The following SIM2 variants were observed in gnomAD, a reference collection of about 807,000 sequenced individuals.
SIM2 encodes the protein single-minded homolog 2.
A neutral mutation model predicts 64.8 loss-of-function variants in SIM2; 28 were observed. That is an observed-to-expected ratio of 0.43 (90% CI 0.32 to 0.59). The LOEUF is 0.59. SIM2 is among the 20% of genes least tolerant of loss of function. The pLI is 0.07. For synonymous variants in SIM2, 408 were observed against 391.1 expected (o/e 1.04, Z -0.51); for missense variants, 847 against 871.4 (o/e 0.97, Z 0.35).
intron 1 of SIM2, among the ~76,000 whole-genome samples, chr21:36,702,595 C>T (rs1173901830): frequency 6.6e-6 from 1 of 152,070 alleles, no homozygotes; most frequent in African/African-American, 2.4e-5. Flanking sequence ...AACTGGAGTC[C>T]ATTTATGCAA....
At position 36,741,751 on chromosome 21, in the gene SIM2, C is replaced by A; in HGVS notation, c.885C>A (p.Tyr295Ter). 1 of 1,613,564 alleles carries A rather than the reference C, an allele frequency of 6.2e-7. No individual in the cohort carries two copies. The highest frequency in any genetic ancestry group is 8.5e-7 in the Non-Finnish European group (1 of 1,179,980). The change falls in exon 8 of 11, where the codon TAC becomes TAA. Residue 295 changes from tyrosine to a stop codon, truncating the protein, a stop_gained. Coordinates refer to ENST00000290399, the MANE Select transcript of SIM2 (RefSeq NM_005069.6). LOFTEE classifies it high-confidence loss of function. ...LVKGQVTTKY[Y>*]RLLSKRGGWV... is the part of the protein sequence containing the mutation. ...AGGGCCAGGTCACCACCAAGTACTA[C>A]CGGCTGCTGTCCAAGCGGGGCGGCT...
intron 7 of SIM2, among the ~76,000 whole-genome samples, chr21:36,735,005 G>T (rs7281117): frequency 3.3e-5 from 5 of 152,032 alleles, no homozygotes; most frequent in Non-Finnish European, 7.4e-5. Context: ...CAGGGGAGGA[G>T]TGAGCCAGAG....
intron 1 of SIM2, among the ~76,000 whole-genome samples, chr21:36,706,928 T>A (rs2123420174): frequency 6.6e-6 from 1 of 152,358 alleles, no homozygotes; most frequent in African/African-American, 2.4e-5. Flanking sequence ...TACAGAAAAT[T>A]GTCCTGTGTG....
chr21:36,748,575 T>TGTAA lies in SIM2; in HGVS notation c.*486_*489dup, dbSNP rs1360839729. 1 of 152,250 alleles carries TGTAA rather than the reference T, an allele frequency of 6.6e-6. No homozygotes were observed. The highest frequency in any genetic ancestry group is 1.5e-5 in the Non-Finnish European group (1 of 68,046). The allele number at this position is 152,250 out of a possible 1,614,324, so 9.4% of individuals were successfully genotyped here. A position where few individuals can be genotyped will look rare whatever the true frequency, so the allele number is the denominator to read the frequency against. On this transcript the variant is annotated 3_prime_UTR_variant, in exon 11 of 11. Coordinates refer to ENST00000290399, the MANE Select transcript of SIM2 (RefSeq NM_005069.6). ...CTTAGGTGAAGGCAGAAGTGATGAT[T>TGTAA]GTAAGTCCCATGAATACACAACTCC...
At chr21:36,719,325 G>A (rs144507403) in intron 3 of SIM2, among the ~76,000 whole-genome samples, 3 of 152,398 alleles carry the variant, frequency 2.0e-5, no homozygotes, top group East Asian at 3.9e-4. Flanking sequence ...CGGGCGCAGT[G>A]GCGCCCCTGC....
intron 6 of SIM2, among the ~76,000 whole-genome samples, chr21:36,730,423 A>G (rs2123472626): frequency 6.6e-6 from 1 of 152,348 alleles, no homozygotes; most frequent in Non-Finnish European, 1.5e-5. Context: ...TTTCTCGAAG[A>G]GAAAAATTCC....
chr21:36,719,966 A>C, intron 4 of SIM2, 37 bp downstream of exon 4: 2 of 1,350,968 alleles, frequency 1.5e-6, no homozygotes, highest in Non-Finnish European at 2.1e-6. Flanking sequence ...AACAGACTAA[A>C]AGCAAGGCGA....
At chr21:36,741,642 G>A (rs1052269800) in intron 7 of SIM2, 75 bp from the exon 8 acceptor site, 1 of 1,544,752 alleles carries the variant, frequency 6.5e-7, no homozygotes, top group Non-Finnish European at 8.8e-7. Flanking sequence ...TGGGACAGAG[G>A]TCACCGTTGG....
chr21:36,726,403 C>T lies in SIM2; in HGVS notation c.743+85C>T, dbSNP rs2088892190. 2.5e-6 allele frequency: 3 copies of T among 1,202,220 alleles called. No homozygotes were observed. The highest frequency in any genetic ancestry group is 4.1e-5 in the Admixed American group (2 of 48,692). The allele number at this position is 1,202,220 out of a possible 1,614,324, so 74.5% of individuals were successfully genotyped here. A position where few individuals can be genotyped will look rare whatever the true frequency, so the allele number is the denominator to read the frequency against. On this transcript the variant is annotated intron_variant, in intron 6 of 10. Transcript: ENST00000290399. This position sits in a 1 kb window ranked among gnomAD's most constrained non-coding sequence, Gnocchi z 4.5. ...GGGTCCCTGAAAGCTGCCATCTTGG[C>T]CAAATCATAACAAGGAATAAGTCAT...
intron 3 of SIM2, among the ~76,000 whole-genome samples, chr21:36,718,158 C>A (rs2123446925): frequency 6.6e-6 from 1 of 152,280 alleles, no homozygotes; most frequent in East Asian, 1.9e-4. Flanking sequence ...CTTAGCAGGC[C>A]AGAAGTGTAA....
rs1375492852 is a variant in SIM2, at chr21:36,699,990, A to T, written c.175+69A>T. The T allele has an allele frequency of 6.8e-7, 1 of 1,479,544 alleles. No homozygotes were observed. The highest frequency in any genetic ancestry group is 9.0e-7 in the Non-Finnish European group (1 of 1,107,540). 91.7% of individuals were successfully genotyped at this position (1,479,544 alleles called of 1,614,324 possible). On this transcript the variant is annotated intron_variant, in intron 1 of 10. Transcript: ENST00000290399. The surrounding 1 kb of genome is among the most constrained non-coding windows in gnomAD (Gnocchi z 5.6). ...GGCCCCGGCCCAGGCGGGAAGCGCAAGCCAGCCCGCCCAGAGGGGTTGCCG... is the reference window on the plus strand; with the variant it reads ...GGCCCCGGCCCAGGCGGGAAGCGCATGCCAGCCCGCCCAGAGGGGTTGCCG...
At chr21:36,743,216 T>C (rs979359593) in intron 8 of SIM2, among the ~76,000 whole-genome samples, 171 bp from the exon 9 acceptor site, 6 of 152,126 alleles carry the variant, frequency 3.9e-5, no homozygotes, top group Non-Finnish European at 7.4e-5. Context: ...GGGCTGCAGA[T>C]GGCTTTTATA....
At chr21:36,727,503 C>T (rs978512702) in intron 6 of SIM2, among the ~76,000 whole-genome samples, 2 of 152,218 alleles carry the variant, frequency 1.3e-5, no homozygotes, top group Non-Finnish European at 2.9e-5. Flanking sequence ...CTTCCATGTT[C>T]TTATTTGTAA....
At chr21:36,724,127 C>T (rs1023671186) in intron 5 of SIM2, among the ~76,000 whole-genome samples, 4 of 152,128 alleles carry the variant, frequency 2.6e-5, no homozygotes, top group African/African-American at 4.8e-5. Flanking sequence ...GCCCCAGCTC[C>T]CCTCTTTGAC....
Position 36,745,083 on chromosome 21 carries a change from C to T in SIM2, c.1523C>T (p.Pro508Leu), listed in dbSNP as rs374048214. Residue 508 changes from proline (P) to leucine (L), a missense_variant, in exon 10 of 11, where the codon CCT (proline) becomes CTT (leucine). Transcript: ENST00000290399. This position sits in a 1 kb window ranked among gnomAD's most constrained non-coding sequence, Gnocchi z 4.8. ...VPSSSSPAKN[P>L]PEPPANTARH... ...AGCAGCTCGTCTCCAGCTAAAAATC[C>T]TCCAGAGCCACCGGCGAACACTGCT... 7 of 1,613,142 alleles carry T rather than the reference C, an allele frequency of 4.3e-6. No individual in the cohort carries two copies. In the African/African-American group the frequency reaches 6.7e-5, roughly 15 times the overall value.
In SIM2 at chr21:36,745,441, T is replaced by G. The variant is rs2073603; in HGVS notation, c.1576+305T>G. 9.6e-3 allele frequency: 12,116 copies of G among 1,259,042 alleles called. 419 individuals are homozygous for G. In the East Asian group the frequency reaches 0.11, roughly 12 times the overall value. 78.0% of individuals were successfully genotyped at this position (1,259,042 alleles called of 1,614,324 possible). Reference sequence around the variant, plus strand: ...TCACCAACCAAAGGGGGACAGTGATTTTCAAAACCAGCTCCCATGTGCTGA... The same window carrying G: ...TCACCAACCAAAGGGGGACAGTGATGTTCAAAACCAGCTCCCATGTGCTGA... On this transcript the variant is annotated intron_variant, in intron 10 of 10. Coordinates refer to ENST00000290399, the MANE Select transcript of SIM2 (RefSeq NM_005069.6). The surrounding 1 kb of genome is among the most constrained non-coding windows in gnomAD (Gnocchi z 4.8).
At chr21:36,705,990 C>T (rs2088574752) in intron 1 of SIM2, among the ~76,000 whole-genome samples, 1 of 152,184 alleles carries the variant, frequency 6.6e-6, no homozygotes, top group South Asian at 2.1e-4. Context: ...CTTTACGGGT[C>T]TCCCTTAGGT....
intron 9 of SIM2, 126 bp downstream of exon 9, chr21:36,743,681 T>C (rs895922646): frequency 5.3e-6 from 5 of 936,220 alleles, no homozygotes; most frequent in Admixed American, 5.3e-5. Flanking sequence ...TGGAGCAAGG[T>C]CCCTCTGGGA....
intron 1 of SIM2, among the ~76,000 whole-genome samples, chr21:36,700,177 C>T (rs1453314192): frequency 4.6e-5 from 7 of 152,214 alleles, no homozygotes; most frequent in Admixed American, 1.3e-4. Context: ...GTTCCAGGGG[C>T]AGGCAGTCCC....
Sources: allele counts gnomAD v4.1 joint callset (sites outside exome capture counted in the v4.1 genomes callset), GRCh38; gene constraint gnomAD v4.1.1; non-coding constraint Gnocchi (gnomAD v3.1); transcripts MANE v1.5; gene names NCBI Gene and HGNC (gene_info 2026-07-23, HGNC 2026-07-21).